Variants in ICA1 observed in about 807,000 individuals in gnomAD.
ICA1 encodes islet cell autoantigen 1, also known as 69 kDa islet cell autoantigen.
A neutral mutation model predicts 71.0 loss-of-function variants in ICA1; 40 were observed. The ratio of observed to expected loss-of-function variants is 0.56; its 90% CI spans 0.44 to 0.73. The LOEUF is 0.73. Among genes scored for constraint, ICA1 ranks in the 30% least tolerant of loss-of-function variants. The probability of loss-of-function intolerance (pLI) is 0.00; values close to 1 mark genes in which losing one functional copy is unlikely to be tolerated. For missense variants in ICA1, 578 were observed against 576.5 expected (o/e 1.00, Z -0.03); for synonymous variants, 207 against 209.5 (o/e 0.99, Z 0.10).
chr7:8,162,649 T>G (rs1279927941), intron 6 of ICA1, among the ~76,000 whole-genome samples: 1 of 152,218 alleles, frequency 6.6e-6, no homozygotes, highest in African/African-American at 2.4e-5. Flanking sequence ...GAGGAGCTCC[T>G]GTGGTTTTGA....
At chr7:8,125,489 T>TACTC (rs1342702368) in intron 13 of ICA1, among the ~76,000 whole-genome samples, 1 of 152,246 alleles carries the variant, frequency 6.6e-6, no homozygotes, top group East Asian at 1.9e-4. Flanking sequence ...AGTAAGAACC[T>TACTC]ACTCAGCTCT....
rs58794085 is a variant in ICA1 at position 8,169,901 on chromosome 7, A to AGT, written c.580-11251_580-11250dup. Reference sequence around the variant, plus strand: ...TTGTGTGTGTGTGTTTTAATGCCTGAGTGTGTGTGTGTGTGTGTGTGTGTG... The same window carrying AGT: ...TTGTGTGTGTGTGTTTTAATGCCTGAGTGTGTGTGTGTGTGTGTGTGTGTGTG... On this transcript the variant is annotated intron_variant, in intron 6 of 13. Transcript: ENST00000402384. Among the ~76,000 whole-genome samples, 321 of 147,190 alleles carry AGT rather than the reference A, an allele frequency of 2.2e-3. 1 individual carries two copies. The highest frequency in any genetic ancestry group is 6.5e-3 in the African/African-American group (262 of 40,204).
intron 6 of ICA1, among the ~76,000 whole-genome samples, chr7:8,213,803 C>T (rs559425933): frequency 1.3e-5 from 2 of 152,324 alleles, no homozygotes; most frequent in South Asian, 4.1e-4. Context: ...AATAAGGTCC[C>T]ACCGAGTAAG....
chr7:8,253,130 T>C (rs1808763063), intron 1 of ICA1, among the ~76,000 whole-genome samples: 1 of 152,164 alleles, frequency 6.6e-6, no homozygotes, highest in African/African-American at 2.4e-5. Context: ...ATCAAACAAA[T>C]CAAAAAAGAG....
chr7:8,150,729 A>T (rs958355722), intron 8 of ICA1, among the ~76,000 whole-genome samples: 1 of 152,278 alleles, frequency 6.6e-6, no homozygotes, highest in African/African-American at 2.4e-5. Context: ...AAGGACTGAC[A>T]TACAAATCAT....
chr7:8,207,923 C>A (rs1184103193), intron 6 of ICA1, among the ~76,000 whole-genome samples: 2 of 152,164 alleles, frequency 1.3e-5, no homozygotes, highest in African/African-American at 2.4e-5. Context: ...TTCTGAGTTT[C>A]ACTGAGAGAC....
At chr7:8,120,925 C>T (rs931814565) in intron 13 of ICA1, among the ~76,000 whole-genome samples, 1 of 152,176 alleles carries the variant, frequency 6.6e-6, no homozygotes, top group African/African-American at 2.4e-5. Flanking sequence ...GAGAGCTCTG[C>T]GGTGGGGCTG....
At chr7:8,126,738 T>C (rs1380805034) in intron 13 of ICA1, among the ~76,000 whole-genome samples, 4 of 152,204 alleles carry the variant, frequency 2.6e-5, no homozygotes, top group Non-Finnish European at 4.4e-5. Context: ...AACAGTTTGA[T>C]AATTTCTTAA....
rs1432613910 is a variant in ICA1 at position 8,144,043 on chromosome 7, G to C, written c.805-71C>G. ...AGAAATAGAGACAAAAAAAAGAAAA[G>C]AAAGGTTATCAATTAAAAAATTCAA... On this transcript the variant is annotated intron_variant, in intron 8 of 13. Coordinates refer to ENST00000402384, the MANE Select transcript of ICA1 (RefSeq NM_001136020.3). This position sits in a 1 kb window ranked among gnomAD's most constrained non-coding sequence, Gnocchi z 4.5. 5.6e-6 allele frequency: 5 copies of C among 900,820 alleles called. No individual in the cohort carries two copies. Among genetic ancestry groups the C allele is most frequent in the Non-Finnish European group, 8.5e-6 (5 of 587,154 alleles). 55.8% of individuals were successfully genotyped at this position (900,820 alleles called of 1,614,324 possible). A position where few individuals can be genotyped will look rare whatever the true frequency, so the allele number is the denominator to read the frequency against.
intron 1 of ICA1, among the ~76,000 whole-genome samples, chr7:8,243,849 C>T (rs372209407): frequency 2.0e-5 from 3 of 152,140 alleles, no homozygotes; most frequent in South Asian, 2.1e-4. Context: ...ACCCAGGAAT[C>T]CAACTTACAA....
intron 1 of ICA1, among the ~76,000 whole-genome samples, chr7:8,248,528 C>A (rs1254538402): frequency 6.6e-6 from 1 of 151,984 alleles, no homozygotes; most frequent in Non-Finnish European, 1.5e-5. Flanking sequence ...AGTTCGAGAC[C>A]AGACGATGAA....
At chr7:8,245,213 T>C (rs547812369) in intron 1 of ICA1, among the ~76,000 whole-genome samples, 3 of 152,030 alleles carry the variant, frequency 2.0e-5, no homozygotes, top group Non-Finnish European at 4.4e-5. Flanking sequence ...ATATACACCA[T>C]GGAATACTAT....
At chr7:8,210,673 G>A (rs1467781467) in intron 6 of ICA1, among the ~76,000 whole-genome samples, 1 of 151,146 alleles carries the variant, frequency 6.6e-6, no homozygotes, top group South Asian at 2.1e-4. Context: ...TGAACACAAA[G>A]GTGGGTTGTC....
Position 8,173,147 on chromosome 7 carries a change from TCTGA to T in ICA1, c.580-14499_580-14496del, listed in dbSNP as rs1319245881. Among the ~76,000 whole-genome samples the T allele has an allele frequency of 5.3e-5, 8 of 152,186 alleles. No homozygotes were observed. Among genetic ancestry groups the T allele is most frequent in the Non-Finnish European group, 4.4e-5 (3 of 68,034 alleles). On this transcript the variant is annotated intron_variant, in intron 6 of 13. Transcript: ENST00000402384. The surrounding 1 kb of genome is among the most constrained non-coding windows in gnomAD (Gnocchi z 4.0). ...ACTTAGAAGCAATGAGGTCACGGCCTCTGACTATCATGTCCCCTCTCTAAGTAAC... is the reference window on the plus strand; with the variant it reads ...ACTTAGAAGCAATGAGGTCACGGCCTCTATCATGTCCCCTCTCTAAGTAAC...
chr7:8,176,303 C>G (rs530929384), intron 6 of ICA1, among the ~76,000 whole-genome samples: 3 of 152,350 alleles, frequency 2.0e-5, no homozygotes, highest in African/African-American at 7.2e-5. Flanking sequence ...AAGCCCTCTT[C>G]CTTTTGGTCC....
At chr7:8,172,712 A>T (rs1808821848) in intron 6 of ICA1, among the ~76,000 whole-genome samples, 1 of 152,212 alleles carries the variant, frequency 6.6e-6, no homozygotes, top group Non-Finnish European at 1.5e-5. Context: ...AGATTTGGTT[A>T]AGAACACAGT....
intron 6 of ICA1, among the ~76,000 whole-genome samples, chr7:8,198,227 C>T (rs1225532155): frequency 6.6e-6 from 1 of 152,348 alleles, no homozygotes; most frequent in South Asian, 2.1e-4. Context: ...TTGTGGACTT[C>T]TATTCTCTTT....
At position 8,190,371 on chromosome 7, in the gene ICA1, G is replaced by C. The variant is rs140337926; in HGVS notation, c.579+27934C>G. ...TCTCTTTCCTTCCTCTGCCTCCTCA[G>C]AGAGGCAGAAACATTCCATAAACTC... On this transcript the variant is annotated intron_variant, in intron 6 of 13. Transcript: ENST00000402384. 8.7e-4 allele frequency among the ~76,000 whole-genome samples: 133 copies of C among 152,190 alleles called. 2 individuals are homozygous for C. In the East Asian group the frequency reaches 0.023, roughly 26 times the overall value.
intron 6 of ICA1, among the ~76,000 whole-genome samples, chr7:8,195,789 C>A (rs1170139080): frequency 6.6e-6 from 1 of 152,006 alleles, no homozygotes; most frequent in African/African-American, 2.4e-5. Flanking sequence ...ACCAGCCTAG[C>A]CAACATAGTG....
Sources: gnomAD v4.1 joint callset for allele counts (sites outside exome capture counted in the v4.1 genomes callset) on GRCh38, gnomAD v4.1.1 for gene constraint, Gnocchi (gnomAD v3.1) non-coding constraint, MANE v1.5 for transcripts, NCBI Gene and HGNC (gene_info 2026-07-23, HGNC 2026-07-21) for gene names.